The following GLUD1 variants were observed in gnomAD, a reference collection of about 807,000 sequenced individuals.
The protein encoded by GLUD1 is glutamate dehydrogenase 1, mitochondrial.
A neutral mutation model predicts 56.0 loss-of-function variants in GLUD1; 22 were observed. The observed-to-expected ratio is 0.39, with a 90% CI of 0.28 to 0.56. GLUD1 has a LOEUF of 0.56. GLUD1 is among the 20% of genes least tolerant of loss of function. The pLI is 0.58. For synonymous variants in GLUD1, 223 were observed against 269.9 expected, an observed-to-expected ratio of 0.83 and a Z score of 1.70; for missense variants, 451 against 732.0, an observed-to-expected ratio of 0.62 and a Z score of 4.43.
chr10:87,077,172 A>G (rs1461304677), intron 1 of GLUD1, among the ~76,000 whole-genome samples: 1 of 152,046 alleles, frequency 6.6e-6, no homozygotes, highest in Non-Finnish European at 1.5e-5. Flanking sequence ...CACCATGCCC[A>G]GCTAATTTTT....
chr10:87,094,245 G>A lies in GLUD1; in HGVS notation c.445+80C>T. ...GCTGGGCTGGGCTGGGCTGAGCAGC[G>A]GCCCCGCACCGGCAGGAGGCCGGAG... On this transcript the variant is annotated intron_variant, in intron 1 of 12. Transcript: ENST00000277865. This position sits in a 1 kb window ranked among gnomAD's most constrained non-coding sequence, Gnocchi z 6.6. 6.6e-7 allele frequency: 1 copy of A among 1,508,728 alleles called. No individual in the cohort carries two copies. 93.5% of individuals were successfully genotyped at this position (1,508,728 alleles called of 1,614,324 possible). A position where few individuals can be genotyped will look rare whatever the true frequency, so the allele number is the denominator to read the frequency against.
intron 1 of GLUD1, among the ~76,000 whole-genome samples, chr10:87,085,612 ATATG>A (rs1841364205): frequency 6.6e-6 from 1 of 152,174 alleles, no homozygotes; most frequent in African/African-American, 2.4e-5. Flanking sequence ...ATTATAACAC[ATATG>A]TATGTATTTC....
chr10:87,057,978 C>T (rs1175854853), intron 10 of GLUD1, among the ~76,000 whole-genome samples, 196 bp from the exon 11 acceptor site: 2 of 152,186 alleles, frequency 1.3e-5, no homozygotes, highest in African/African-American at 4.8e-5. Flanking sequence ...ACGCCATTCT[C>T]CTGCCTCAGC....
In GLUD1 at chr10:87,093,696, A is replaced by G. The variant is rs1272368690; in HGVS notation, c.445+629T>C. On this transcript the variant is annotated intron_variant, in intron 1 of 12. Coordinates refer to ENST00000277865, the MANE Select transcript of GLUD1 (RefSeq NM_005271.5). ...TGTCAGAGATATTACATTGCTTGTG[A>G]TTTTTTTGTGTTTTTCCTTTTTTTT... Among the ~76,000 whole-genome samples the G allele has an allele frequency of 4.4e-4, 67 of 152,082 alleles. 1 individual carries two copies. Among genetic ancestry groups the G allele is most frequent in the Non-Finnish European group, 4.4e-5 (3 of 68,022 alleles).
At chr10:87,078,924 A>C (rs1841127927) in intron 1 of GLUD1, among the ~76,000 whole-genome samples, 1 of 152,190 alleles carries the variant, frequency 6.6e-6, no homozygotes, top group Admixed American at 6.5e-5. Flanking sequence ...GGATCACTTG[A>C]GCTTAGGAGT....
chr10:87,083,226 A>C (rs2133846530), intron 1 of GLUD1, among the ~76,000 whole-genome samples: 1 of 152,024 alleles, frequency 6.6e-6, no homozygotes, highest in South Asian at 2.1e-4. Flanking sequence ...AATTAAAAAA[A>C]AAAAAAAAAG....
At chr10:87,076,862 C>G (rs191389566) in intron 1 of GLUD1, among the ~76,000 whole-genome samples, 1 of 152,152 alleles carries the variant, frequency 6.6e-6, no homozygotes, top group African/African-American at 2.4e-5. Flanking sequence ...GTTAAAAAAA[C>G]CTGCTAATAA....
chr10:87,073,841 G>A (rs1318888622), intron 4 of GLUD1, among the ~76,000 whole-genome samples: 1 of 151,694 alleles, frequency 6.6e-6, no homozygotes, highest in Non-Finnish European at 1.5e-5. Context: ...AGCCAGAATG[G>A]TCTCGATCTG....
chr10:87,067,994 A>C, intron 5 of GLUD1, 69 bp downstream of exon 5: 1 of 889,364 alleles, frequency 1.1e-6, no homozygotes, highest in East Asian at 2.4e-5. Context: ...CTTTTGATAT[A>C]ATCAGTCAAA....
At chr10:87,054,667 G>A (rs1052149048) in intron 11 of GLUD1, among the ~76,000 whole-genome samples, 1 of 152,160 alleles carries the variant, frequency 6.6e-6, no homozygotes, top group African/African-American at 2.4e-5. Context: ...TTCCAAGGAG[G>A]TTTGCTCTAC....
At chr10:87,078,188 ATCT>A (rs1353496884) in intron 1 of GLUD1, among the ~76,000 whole-genome samples, 1 of 152,254 alleles carries the variant, frequency 6.6e-6, no homozygotes, top group Non-Finnish European at 1.5e-5. Context: ...TTAGAACTAT[ATCT>A]TGTGTATAAC....
intron 1 of GLUD1, among the ~76,000 whole-genome samples, chr10:87,084,236 T>C (rs1841331088): frequency 2.6e-5 from 4 of 152,248 alleles, no homozygotes; most frequent in Admixed American, 1.3e-4. Flanking sequence ...GAACAGAAAC[T>C]GACTAAACAG....
intron 11 of GLUD1, among the ~76,000 whole-genome samples, chr10:87,056,682 T>C (rs191729993): frequency 3.7e-4 from 57 of 152,256 alleles, no homozygotes; most frequent in African/African-American, 1.2e-3. Flanking sequence ...AGAGGGGAGA[T>C]TGTCATAGCA....
At chr10:87,064,980 CA>C (rs1378036293) in intron 5 of GLUD1, among the ~76,000 whole-genome samples, 4 of 152,096 alleles carry the variant, frequency 2.6e-5, no homozygotes, top group African/African-American at 9.7e-5. Flanking sequence ...TTTCAGTTCA[CA>C]TCTAGAAATG....
chr10:87,075,824 G>A, intron 3 of GLUD1, 144 bp downstream of exon 3: 1 of 695,534 alleles, frequency 1.4e-6, no homozygotes, highest in Non-Finnish European at 2.6e-6. Flanking sequence ...GGATCAAGGA[G>A]AACTGCTTGA....
At chr10:87,081,439 G>A (rs532052831) in intron 1 of GLUD1, among the ~76,000 whole-genome samples, 13 of 152,364 alleles carry the variant, frequency 8.5e-5, no homozygotes, top group African/African-American at 2.9e-4. Flanking sequence ...ACCCCATCTG[G>A]GAGGTGTGCC....
At position 87,094,542 on chromosome 10, in the gene GLUD1, G is replaced by A. The variant is rs1589394176; in HGVS notation, c.228C>T (p.Arg76=). 2 of 1,612,488 alleles carry A rather than the reference G, an allele frequency of 1.2e-6. No individual in the cohort carries two copies. The highest frequency in any genetic ancestry group is 1.7e-5 in the Admixed American group (1 of 60,018). Residue 76 remains arginine (R), a synonymous_variant, in exon 1 of 13, where the codon CGC becomes CGT. Coordinates refer to ENST00000277865, the MANE Select transcript of GLUD1 (RefSeq NM_005271.5). This position sits in a 1 kb window ranked among gnomAD's most constrained non-coding sequence, Gnocchi z 6.6. ...FFKMVEGFFD[R]GASIVEDKLV... is the part of the protein sequence containing the mutation. ...GCTTGTCCTCCACGATGCTGGCGCC[G>A]CGATCGAAGAAGCCCTCCACCATCT...
intron 1 of GLUD1, among the ~76,000 whole-genome samples, chr10:87,088,377 T>C (rs1841435977): frequency 1.3e-5 from 2 of 152,166 alleles, no homozygotes; most frequent in Admixed American, 1.3e-4. Flanking sequence ...CTGCATAAAG[T>C]TCAGAGATCT....
chr10:87,053,293 T>C (rs545650379), intron 12 of GLUD1, 49 bp downstream of exon 12: 5 of 1,227,750 alleles, frequency 4.1e-6, no homozygotes, highest in Admixed American at 1.7e-5. Context: ...CATGGTTGAG[T>C]TGCACTTCAT....
Sources: gnomAD v4.1 joint callset for allele counts (sites outside exome capture counted in the v4.1 genomes callset) on GRCh38, gnomAD v4.1.1 for gene constraint, Gnocchi (gnomAD v3.1) non-coding constraint, MANE v1.5 for transcripts, NCBI Gene and HGNC (gene_info 2026-07-23, HGNC 2026-07-21) for gene names.